The following VWA8 variants were observed in gnomAD, a reference collection of about 807,000 sequenced individuals.
The protein encoded by VWA8 is von Willebrand factor A domain containing 8.
VWA8 carries 221 observed loss-of-function variants against 241.5 expected under a neutral mutation model. The ratio of observed to expected loss-of-function variants is 0.91; its 90% CI spans 0.82 to 1.02. The LOEUF is 1.02. VWA8 is among the 50% of genes least tolerant of loss of function. The pLI is 0.00. For synonymous variants in VWA8, 852 were observed against 827.1 expected (o/e 1.03, Z -0.52); for missense variants, 2,322 against 2,328.7 (o/e 1.00, Z 0.06).
Position 41,830,551 on chromosome 13 carries a change from ACAGTTG to A in VWA8, c.1672_1677del (p.Gln558_Leu559del). 6.2e-7 allele frequency: 1 copy of A among 1,613,844 alleles called. No homozygotes were observed. The highest frequency in any genetic ancestry group is 8.5e-7 in the Non-Finnish European group (1 of 1,179,812). On this transcript the variant is annotated inframe_deletion, in exon 14 of 45. Coordinates refer to ENST00000379310, the MANE Select transcript of VWA8 (RefSeq NM_015058.2). ...TACCTCTTCTGTAGCTGTTCATCAGACAGTTGCAGCTCCTCCTTTAAACGCATATAC... is the reference window on the plus strand; with the variant it reads ...TACCTCTTCTGTAGCTGTTCATCAGACAGCTCCTCCTTTAAACGCATATAC...
chr13:41,915,591 A>G lies in VWA8; in HGVS notation c.242-3423T>C, dbSNP rs1165379554. 2.6e-5 allele frequency among the ~76,000 whole-genome samples: 4 copies of G among 152,216 alleles called. No individual in the cohort carries two copies. In the East Asian group the frequency reaches 7.7e-4, roughly 29 times the overall value. On this transcript the variant is annotated intron_variant, in intron 2 of 44. Transcript: ENST00000379310. Reference sequence around the variant, plus strand: ...TCAAGGCCTCTGTTGCCTGCACACCACTAATGAGTTTGTCACAATTAAGCC... The same window carrying G: ...TCAAGGCCTCTGTTGCCTGCACACCGCTAATGAGTTTGTCACAATTAAGCC...
At chr13:41,901,108 A>AT (rs34752001) in intron 4 of VWA8, among the ~76,000 whole-genome samples, 23,983 of 123,554 alleles carry the variant, frequency 0.19, 2,717 homozygotes, top group East Asian at 0.36. Flanking sequence ...CATGATCATC[A>AT]TTTTTTTTTT....
chr13:41,908,155 G>A (rs1875812474), intron 3 of VWA8, among the ~76,000 whole-genome samples: 1 of 152,104 alleles, frequency 6.6e-6, no homozygotes, highest in African/African-American at 2.4e-5. Flanking sequence ...TTTACCAAAT[G>A]TGAAAACAAG....
chr13:41,729,677 C>G lies in VWA8; in HGVS notation c.2503G>C (p.Val835Leu). 1.9e-6 allele frequency: 3 copies of G among 1,599,854 alleles called. No individual in the cohort carries two copies. The highest frequency in any genetic ancestry group is 2.6e-6 in the Non-Finnish European group (3 of 1,176,008). Residue 835 changes from valine (V) to leucine (L), a missense_variant and splice_region_variant, in exon 23 of 45, where the codon GTT becomes CTT. By Grantham distance (32) the Val-to-Leu change is conservative. Transcript: ENST00000379310. ...ATATGACCCAACTTTACTGCTTTAA[C>G]CTTTGACGACAGAAAATTTATCATA... ...GLIVYEDSPL[V>L]KAVKLGHILV...
At chr13:41,846,916 C>A (rs1872315033) in intron 12 of VWA8, among the ~76,000 whole-genome samples, 1 of 152,070 alleles carries the variant, frequency 6.6e-6, no homozygotes, top group Non-Finnish European at 1.5e-5. Context: ...GTAATCCCAG[C>A]TACTCGGGAG....
At position 41,614,992 on chromosome 13, in the gene VWA8, A is replaced by G; in HGVS notation, c.4704T>C (p.Thr1568=). The change falls in exon 38 of 45, where the codon ACT becomes ACC. Residue 1568 remains threonine (T), a synonymous_variant. Coordinates refer to ENST00000379310, the MANE Select transcript of VWA8 (RefSeq NM_015058.2). ...GCTACCAACCTGTTCCGCCAGCCCAAGTGTTGCCGCCCACGTGAGGCATGT... is the reference window on the plus strand; with the variant it reads ...GCTACCAACCTGTTCCGCCAGCCCAGGTGTTGCCGCCCACGTGAGGCATGT... ...PDNMPHVGGN[T]WAGGTGGRDT... The G allele has an allele frequency of 3.1e-6, 5 of 1,613,394 alleles. No homozygotes were observed. In the East Asian group the frequency reaches 6.7e-5, roughly 22 times the overall value.
chr13:41,609,553 C>T (rs1268945217), intron 39 of VWA8, among the ~76,000 whole-genome samples: 2 of 152,082 alleles, frequency 1.3e-5, no homozygotes, highest in East Asian at 3.9e-4. Context: ...ATTATATGTT[C>T]CTCTCAACTT....
intron 37 of VWA8, among the ~76,000 whole-genome samples, chr13:41,632,878 T>G (rs1376858028): frequency 2.0e-5 from 3 of 152,182 alleles, no homozygotes; most frequent in Admixed American, 2.0e-4. Flanking sequence ...CAAAACTATT[T>G]GTAAGAATAC....
At chr13:41,703,640 G>GT (rs1298553928) in intron 26 of VWA8, among the ~76,000 whole-genome samples, 1 of 152,096 alleles carries the variant, frequency 6.6e-6, no homozygotes, top group Non-Finnish European at 1.5e-5. Flanking sequence ...GCAAGGTCCT[G>GT]TTTTTACCTT....
At chr13:41,859,335 A>C (rs1872904001) in intron 12 of VWA8, among the ~76,000 whole-genome samples, 2 of 152,206 alleles carry the variant, frequency 1.3e-5, no homozygotes, top group Admixed American at 1.3e-4. Context: ...GATTAGATGG[A>C]AGAGAGGGGA....
intron 37 of VWA8, among the ~76,000 whole-genome samples, chr13:41,652,312 T>C (rs1170804980): frequency 6.6e-6 from 1 of 152,212 alleles, no homozygotes; most frequent in African/African-American, 2.4e-5. Flanking sequence ...AACACGGGCT[T>C]CTGAGTTAGA....
At chr13:41,795,183 C>T (rs187230041) in intron 17 of VWA8, among the ~76,000 whole-genome samples, 27 of 148,126 alleles carry the variant, frequency 1.8e-4, no homozygotes, top group African/African-American at 4.6e-4. Flanking sequence ...AGGCAGCCAA[C>T]GAACATGAAA....
intron 35 of VWA8, among the ~76,000 whole-genome samples, chr13:41,684,245 C>T (rs986288413): frequency 6.6e-6 from 1 of 151,862 alleles, no homozygotes; most frequent in African/African-American, 2.4e-5. Flanking sequence ...CTTTTCAAAC[C>T]CTGTTACAGA....
intron 12 of VWA8, among the ~76,000 whole-genome samples, chr13:41,834,242 T>TA (rs1329444693): frequency 6.6e-6 from 1 of 152,262 alleles, no homozygotes; most frequent in East Asian, 1.9e-4. Context: ...TTATCTACTG[T>TA]AAAAAACTGG....
At chr13:41,879,538 G>T (rs754657647) in intron 9 of VWA8, among the ~76,000 whole-genome samples, 1 of 150,850 alleles carries the variant, frequency 6.6e-6, no homozygotes, top group Non-Finnish European at 1.5e-5. Flanking sequence ...TATAGATTCC[G>T]TCTCTAACTA....
intron 12 of VWA8, among the ~76,000 whole-genome samples, chr13:41,860,390 A>G (rs1872954352): frequency 6.6e-6 from 1 of 152,174 alleles, no homozygotes; most frequent in Admixed American, 6.5e-5. Context: ...CGGGAAACTT[A>G]TGTGCCTTTC....
In VWA8 at chr13:41,907,571, TG is replaced by T; in HGVS notation, c.483+14del. 2 of 1,610,384 alleles carry T rather than the reference TG, an allele frequency of 1.2e-6. No homozygotes were observed. Among genetic ancestry groups the T allele is most frequent in the Non-Finnish European group, 1.7e-6 (2 of 1,176,676 alleles). On this transcript the variant is annotated intron_variant, in intron 4 of 44. Coordinates refer to ENST00000379310, the MANE Select transcript of VWA8 (RefSeq NM_015058.2). The stretch of plus-strand genomic sequence containing the variant: ...TGGAGTACACAGTCATGGGCTAGAG[TG>T]TGACAGAACTTGCCTGATCAATGTA...
chr13:41,716,340 G>A (rs1031573427), intron 26 of VWA8, among the ~76,000 whole-genome samples: 11 of 152,046 alleles, frequency 7.2e-5, no homozygotes, highest in Admixed American at 2.0e-4. Context: ...TTTAAAAAAT[G>A]TGCAGAAACC....
At chr13:41,845,070 A>C (rs905284703) in intron 12 of VWA8, among the ~76,000 whole-genome samples, 2 of 152,158 alleles carry the variant, frequency 1.3e-5, no homozygotes, top group Non-Finnish European at 1.5e-5. Flanking sequence ...TATGGAACCA[A>C]AAAAGGCCCA....
Sources: gnomAD v4.1 joint callset for allele counts (sites outside exome capture counted in the v4.1 genomes callset) on GRCh38, gnomAD v4.1.1 for gene constraint, MANE v1.5 for transcripts, NCBI Gene and HGNC (gene_info 2026-07-23, HGNC 2026-07-21) for gene names.